Variants in USP39 observed in about 807,000 individuals in gnomAD.
USP39 encodes ubiquitin carboxyl-terminal hydrolase 39.
In USP39, 38 loss-of-function variants were observed where a neutral mutation model predicts 66.4. The ratio of observed to expected loss-of-function variants is 0.57; its 90% CI spans 0.44 to 0.75. USP39 has a LOEUF of 0.75. USP39 is among the 30% of genes least tolerant of loss of function. USP39 has a pLI of 0.00. For synonymous variants in USP39, 303 were observed against 274.6 expected (o/e 1.10, Z -1.02); for missense variants, 608 against 714.4 (o/e 0.85, Z 1.70).
upstream of USP39, chr2:85,609,187 C>T (rs117051571): frequency 7.1e-7 from 1 of 1,401,354 alleles, no homozygotes; most frequent in East Asian, 2.4e-5. Flanking sequence ...CAGCACCTGT[C>T]ATTTCCTATG....
intron 8 of USP39, among the ~76,000 whole-genome samples, chr2:85,638,728 G>T (rs1675993320): frequency 6.6e-6 from 1 of 151,814 alleles, no homozygotes; most frequent in Admixed American, 6.6e-5. Flanking sequence ...GTAGAGACGG[G>T]GTTTCTCCGT....
upstream of USP39, chr2:85,607,672 C>T (rs941433941): frequency 6.6e-6 from 1 of 152,180 alleles, no homozygotes; most frequent in South Asian, 2.1e-4. Flanking sequence ...GGTGTCTTAA[C>T]ACCCGGATGT....
Position 85,639,491 on chromosome 2 carries a change from G to T in USP39, c.1284+100G>T, listed in dbSNP as rs186585540. On this transcript the variant is annotated intron_variant, in intron 9 of 12. Transcript: ENST00000323701. ...TTTTTCAAGACAGAGTTTTGCTCTT[G>T]TCGCCCAGGCTGGAGTGCAGTGGCG... is the stretch of plus-strand genomic sequence containing the variant. 3.1e-5 allele frequency: 40 copies of T among 1,296,400 alleles called. No individual in the cohort carries two copies. In the East Asian group the frequency reaches 1.0e-3, roughly 33 times the overall value. 80.3% of individuals were successfully genotyped at this position (1,296,400 alleles called of 1,614,324 possible).
At chr2:85,612,110 C>T (rs1347206594), upstream of USP39, 2 of 948,008 alleles carry the variant, frequency 2.1e-6, no homozygotes, top group African/African-American at 1.7e-5. Context: ...TCTGGGAGGC[C>T]CCGGCCTGGC....
chr2:85,634,217 A>T (rs1378641633), intron 6 of USP39, among the ~76,000 whole-genome samples: 1 of 151,904 alleles, frequency 6.6e-6, no homozygotes, highest in African/African-American at 2.4e-5. Flanking sequence ...CCCATGGAGC[A>T]CTTGTTTCAG....
chr2:85,619,085 T>C (rs931003615), intron 1 of USP39, 135 bp from the exon 2 acceptor site: 2 of 1,016,730 alleles, frequency 2.0e-6, no homozygotes, highest in East Asian at 2.6e-5. Context: ...GACTTTTTTT[T>C]CGATATTGTT....
Position 85,624,729 on chromosome 2 carries a change from C to T in USP39, c.571-810C>T, listed in dbSNP as rs577927034. Among the ~76,000 whole-genome samples, 6 of 152,006 alleles carry T rather than the reference C, an allele frequency of 3.9e-5. No homozygotes were observed. The South Asian group carries it at 1.2e-3, about 32-fold the overall frequency. ...CTGTAATCCCAGCACTTTGGGAGGC[C>T]GAGGCAGGTGGGTCATTTGAGGTCA... is the stretch of plus-strand genomic sequence containing the variant. On this transcript the variant is annotated intron_variant, in intron 4 of 12. Coordinates refer to ENST00000323701, the MANE Select transcript of USP39 (RefSeq NM_006590.4).
chr2:85,637,237 C>T (rs1490084317), intron 7 of USP39, 132 bp from the exon 8 acceptor site: 3 of 858,682 alleles, frequency 3.5e-6, no homozygotes, highest in African/African-American at 3.4e-5. Context: ...AAGGAAACTT[C>T]TGTGTTTAGT....
intron 4 of USP39, among the ~76,000 whole-genome samples, chr2:85,625,196 T>G (rs1255188782): frequency 6.6e-6 from 1 of 152,168 alleles, no homozygotes; most frequent in Admixed American, 6.6e-5. Flanking sequence ...GTCCATGTGC[T>G]GCTCCCAGGA....
intron 3 of USP39, among the ~76,000 whole-genome samples, chr2:85,622,101 T>A (rs1674508794): frequency 6.6e-6 from 1 of 151,746 alleles, no homozygotes; most frequent in Non-Finnish European, 1.5e-5. Context: ...ATTACAGGCG[T>A]GAGCCACCGC....
At chr2:85,607,858 A>G (rs1558836930), upstream of USP39, 1 of 152,194 alleles carries the variant, frequency 6.6e-6, no homozygotes, top group African/African-American at 2.4e-5. Flanking sequence ...CTAACCCTGC[A>G]TTAGAAAAAA....
upstream of USP39, among the ~76,000 whole-genome samples, chr2:85,612,569 C>T (rs984567553): frequency 6.6e-6 from 1 of 152,262 alleles, no homozygotes; most frequent in African/African-American, 2.4e-5. Flanking sequence ...TTGCCTCCTG[C>T]TCACGGCGCC....
upstream of USP39, among the ~76,000 whole-genome samples, chr2:85,614,191 C>T (rs1276160995): frequency 6.6e-6 from 1 of 152,038 alleles, no homozygotes; most frequent in Non-Finnish European, 1.5e-5. Context: ...CAGGGTGAGT[C>T]CACAGTGCAA....
At position 85,637,284 on chromosome 2, in the gene USP39, ATTTC is replaced by A. The variant is rs1365394895; in HGVS notation, c.1028-84_1028-81del. The A allele has an allele frequency of 8.7e-6, 13 of 1,487,656 alleles. No homozygotes were observed. In the Admixed American group the frequency reaches 2.3e-4, roughly 26 times the overall value. The allele number at this position is 1,487,656 out of a possible 1,614,324, so 92.2% of individuals were successfully genotyped here. On this transcript the variant is annotated intron_variant, in intron 7 of 12. Coordinates refer to ENST00000323701, the MANE Select transcript of USP39 (RefSeq NM_006590.4). Reference sequence around the variant, plus strand: ...GTCTTTTGCTGGAAGATGCTGGTTTATTTCAGAAATTTAGAAGCTGGAAATATAC... The same window carrying A: ...GTCTTTTGCTGGAAGATGCTGGTTTAAGAAATTTAGAAGCTGGAAATATAC...
rs1425695397 is a variant in USP39 at position 85,623,785 on chromosome 2, G to A, written c.570+3G>A. 6.2e-7 allele frequency: 1 copy of A among 1,610,248 alleles called. No homozygotes were observed. Among genetic ancestry groups the A allele is most frequent in the African/African-American group, 1.3e-5 (1 of 74,684 alleles). On this transcript the variant is annotated splice_donor_region_variant and intron_variant, in intron 4 of 12. Coordinates refer to ENST00000323701, the MANE Select transcript of USP39 (RefSeq NM_006590.4). Reference sequence around the variant, plus strand: ...ATTCCTCATTGGAGGATATCACGGTGTGTGTCTAAGAGGGTTGGTTTGGGG... The same window carrying A: ...ATTCCTCATTGGAGGATATCACGGTATGTGTCTAAGAGGGTTGGTTTGGGG...
chr2:85,643,245 C>T (rs1234789738), intron 10 of USP39, among the ~76,000 whole-genome samples: 2 of 152,098 alleles, frequency 1.3e-5, no homozygotes, highest in East Asian at 3.9e-4. Flanking sequence ...AATCCCAGCC[C>T]TTTGGGAGGC....
At chr2:85,603,684 C>G (rs1466266854) in intron 1 of USP39, among the ~76,000 whole-genome samples, 1 of 151,422 alleles carries the variant, frequency 6.6e-6, no homozygotes, top group Non-Finnish European at 1.5e-5. Context: ...CTCCGCCTCA[C>G]GGGTTCACGC....
intron 3 of USP39, 33 bp downstream of exon 3, chr2:85,621,612 G>A (rs749711531): frequency 4.7e-6 from 7 of 1,505,084 alleles, no homozygotes; most frequent in African/African-American, 1.7e-5. Flanking sequence ...CTGCAGATCT[G>A]CTCCAGAGGG....
rs186716506 is a variant in USP39 at position 85,625,462 on chromosome 2, T to C, written c.571-77T>C. The C allele has an allele frequency of 5.9e-4, 940 of 1,585,224 alleles. 10 individuals carry two copies. The South Asian group carries it at 8.1e-3, about 14-fold the overall frequency. On this transcript the variant is annotated intron_variant, in intron 4 of 12. Coordinates refer to ENST00000323701, the MANE Select transcript of USP39 (RefSeq NM_006590.4). ...TGTTCATGGCCAAGTGTTTTTTGTTTTTGTAGAAATTACTGTTACAGACAT... is the reference window on the plus strand; with the variant it reads ...TGTTCATGGCCAAGTGTTTTTTGTTCTTGTAGAAATTACTGTTACAGACAT...
Sources: allele counts gnomAD v4.1 joint callset (sites outside exome capture counted in the v4.1 genomes callset), GRCh38; gene constraint gnomAD v4.1.1; transcripts MANE v1.5; gene names NCBI Gene and HGNC (gene_info 2026-07-23, HGNC 2026-07-21).